Variants in PHACTR1 observed in about 807,000 individuals in gnomAD.
PHACTR1 encodes the protein RPEL repeat containing 1.
In PHACTR1, 16 loss-of-function variants were observed where a neutral mutation model predicts 69.2. The ratio of observed to expected loss-of-function variants is 0.23; its 90% CI spans 0.16 to 0.35. The LOEUF (loss-of-function observed/expected upper bound fraction) is 0.35. Among genes scored for constraint, PHACTR1 ranks in the 10% least tolerant of loss-of-function variants. The pLI is 1.00. For synonymous variants in PHACTR1, 312 were observed against 284.5 expected (o/e 1.10, Z -0.97); for missense variants, 510 against 734.7 (o/e 0.69, Z 3.54).
chr6:13,194,907 G>A (rs143358455), intron 7 of PHACTR1, among the ~76,000 whole-genome samples: 2 of 152,260 alleles, frequency 1.3e-5, no homozygotes, highest in East Asian at 3.9e-4. Context: ...CAGATCTGAG[G>A]ACGGTCCTCA....
At chr6:12,972,884 T>C (rs949757566) in intron 4 of PHACTR1, among the ~76,000 whole-genome samples, 13 of 152,082 alleles carry the variant, frequency 8.5e-5, no homozygotes, top group Non-Finnish European at 1.3e-4. Flanking sequence ...CTCCTGACCT[T>C]AGGCGATCCA....
chr6:12,788,328 G>T (rs1440755936), intron 4 of PHACTR1, among the ~76,000 whole-genome samples: 1 of 152,080 alleles, frequency 6.6e-6, no homozygotes. Flanking sequence ...AAATCTAGAG[G>T]CCATGGTCAG....
chr6:13,212,073 G>A (rs968335365), intron 8 of PHACTR1, among the ~76,000 whole-genome samples: 11 of 152,138 alleles, frequency 7.2e-5, no homozygotes, highest in African/African-American at 1.7e-4. Flanking sequence ...GTGTCCTCAC[G>A]TGGTCTTCCC....
intron 10 of PHACTR1, among the ~76,000 whole-genome samples, chr6:13,259,611 G>T (rs1267257117): frequency 6.6e-6 from 1 of 152,006 alleles, no homozygotes; most frequent in Non-Finnish European, 1.5e-5. Flanking sequence ...ATTCTCCTTT[G>T]ATCCTCCTGA....
intron 4 of PHACTR1, among the ~76,000 whole-genome samples, chr6:12,874,233 G>T (rs1037810575): frequency 3.3e-5 from 5 of 152,120 alleles, no homozygotes; most frequent in African/African-American, 9.7e-5. Context: ...GTTGCTAGAT[G>T]GCTTGACACA....
intron 8 of PHACTR1, among the ~76,000 whole-genome samples, chr6:13,227,366 C>G (rs1769944225): frequency 6.6e-6 from 1 of 152,208 alleles, no homozygotes; most frequent in African/African-American, 2.4e-5. Flanking sequence ...TCTCCTGAAT[C>G]TGTAGCTTCA....
chr6:12,932,092 A>T (rs1788933141), intron 4 of PHACTR1, among the ~76,000 whole-genome samples: 1 of 152,144 alleles, frequency 6.6e-6, no homozygotes, highest in Non-Finnish European at 1.5e-5. Context: ...AGTCTTCCAG[A>T]TTATTCTGAT....
At chr6:13,131,993 T>G (rs1820543541) in intron 5 of PHACTR1, among the ~76,000 whole-genome samples, 1 of 152,192 alleles carries the variant, frequency 6.6e-6, no homozygotes, top group South Asian at 2.1e-4. Flanking sequence ...CAAGAACCAC[T>G]GTAAGTAAAA....
At chr6:13,269,755 A>G (rs1038771292) in intron 10 of PHACTR1, among the ~76,000 whole-genome samples, 1 of 152,012 alleles carries the variant, frequency 6.6e-6, no homozygotes, top group Non-Finnish European at 1.5e-5. Context: ...AATCGCTTGA[A>G]CCCGAGAGGC....
chr6:13,182,978 T>C (rs1490099182), intron 7 of PHACTR1, among the ~76,000 whole-genome samples: 1 of 152,176 alleles, frequency 6.6e-6, no homozygotes, highest in Admixed American at 6.5e-5. Flanking sequence ...TATTATTTTG[T>C]TTTTTAACAT....
intron 4 of PHACTR1, among the ~76,000 whole-genome samples, chr6:12,871,495 C>A (rs1782023334): frequency 6.6e-6 from 1 of 152,040 alleles, no homozygotes; most frequent in Non-Finnish European, 1.5e-5. Flanking sequence ...AAAATGGATC[C>A]TTTAATCTGC....
chr6:12,943,569 T>C (rs916358965), intron 4 of PHACTR1, among the ~76,000 whole-genome samples: 1 of 152,246 alleles, frequency 6.6e-6, no homozygotes, highest in Admixed American at 6.5e-5. Flanking sequence ...CCTGGGATAG[T>C]ATGATCCATG....
intron 8 of PHACTR1, among the ~76,000 whole-genome samples, chr6:13,208,631 A>AC (rs961453175): frequency 1.9e-4 from 26 of 137,070 alleles, no homozygotes; most frequent in South Asian, 2.5e-4. Flanking sequence ...ATTGCTGCCC[A>AC]CCCCCCCAAC....
At chr6:12,877,292 C>T (rs544826153) in intron 4 of PHACTR1, among the ~76,000 whole-genome samples, 2 of 152,250 alleles carry the variant, frequency 1.3e-5, no homozygotes, top group South Asian at 4.2e-4. Context: ...ATTGTCACAC[C>T]TGTAATGTGG....
intron 4 of PHACTR1, among the ~76,000 whole-genome samples, chr6:13,015,200 T>C (rs928662612): frequency 2.0e-5 from 3 of 152,146 alleles, no homozygotes; most frequent in Non-Finnish European, 2.9e-5. Flanking sequence ...AAGTGCAGAG[T>C]AATGAAATGA....
intron 4 of PHACTR1, among the ~76,000 whole-genome samples, chr6:12,945,752 T>C (rs1297599754): frequency 2.0e-5 from 3 of 151,826 alleles, no homozygotes; most frequent in African/African-American, 7.3e-5. Context: ...TCACCTGAGG[T>C]CAGGAGTTCG....
chr6:12,833,959 C>T (rs555571818), intron 4 of PHACTR1, among the ~76,000 whole-genome samples: 2 of 152,178 alleles, frequency 1.3e-5, no homozygotes, highest in African/African-American at 2.4e-5. Context: ...GTAGCTGCAT[C>T]GTTTTTGTAA....
intron 4 of PHACTR1, among the ~76,000 whole-genome samples, chr6:12,921,844 A>AGGGAGGGAGGGAGGGACGGAGGGAGGGG (rs1787757687): frequency 9.5e-6 from 1 of 105,632 alleles, no homozygotes; most frequent in Admixed American, 9.3e-5. Context: ...GGAGGGAGAG[A>AGGGAGGGAGGGAGGGACGGAGGGAGGGG]GGGAGGCAGG....
At position 12,843,215 on chromosome 6, in the gene PHACTR1, A is replaced by G. The variant is rs372819165; in HGVS notation, c.250+93425A>G. On this transcript the variant is annotated intron_variant, in intron 4 of 14. Transcript: ENST00000332995. ...GTTGATCTTTGAAGACATGAAAATAAAAGTTATTTCTGTAGCTCCAATAAG... is the reference window on the plus strand; with the variant it reads ...GTTGATCTTTGAAGACATGAAAATAGAAGTTATTTCTGTAGCTCCAATAAG... 4.7e-4 allele frequency among the ~76,000 whole-genome samples: 72 copies of G among 152,366 alleles called. No individual in the cohort carries two copies. The South Asian group carries it at 0.014, about 29-fold the overall frequency.
Sources: allele counts gnomAD v4.1 joint callset (sites outside exome capture counted in the v4.1 genomes callset), GRCh38; gene constraint gnomAD v4.1.1; transcripts MANE v1.5; gene names NCBI Gene and HGNC (gene_info 2026-07-23, HGNC 2026-07-21).